Variants in TNIK observed in about 807,000 individuals in gnomAD.
The protein encoded by TNIK is TRAF2 and NCK-interacting protein kinase.
In TNIK, 49 loss-of-function variants were observed where a neutral mutation model predicts 191.3. The ratio of observed to expected loss-of-function variants is 0.26; its 90% confidence interval spans 0.20 to 0.32. TNIK has a LOEUF of 0.32. Among genes scored for constraint, TNIK ranks in the 10% least tolerant of loss-of-function variants. The pLI is 1.00. For missense variants in TNIK, 1,155 were observed against 1,702.3 expected, an observed-to-expected ratio of 0.68 and a Z score of 5.66; for synonymous variants, 594 against 600.9, an observed-to-expected ratio of 0.99 and a Z score of 0.17.
At chr3:171,282,345 T>G (rs1179397742) in intron 2 of TNIK, among the ~76,000 whole-genome samples, 2 of 142,798 alleles carry the variant, frequency 1.4e-5, no homozygotes, top group East Asian at 3.9e-4. Context: ...TTTTTTGTTT[T>G]TTTTTTTTTT....
At chr3:171,072,068 G>A (rs569626708) in intron 28 of TNIK, among the ~76,000 whole-genome samples, 7 of 152,210 alleles carry the variant, frequency 4.6e-5, no homozygotes, top group South Asian at 2.1e-4. Context: ...TCTTACCTAC[G>A]TGTGTGTCTC....
intron 2 of TNIK, among the ~76,000 whole-genome samples, chr3:171,309,562 A>T (rs1026169137): frequency 6.6e-6 from 1 of 151,258 alleles, no homozygotes; most frequent in Non-Finnish European, 1.5e-5. Context: ...ATCAAAGTTT[A>T]AAAAAATGCT....
chr3:171,305,882 T>C (rs1054723044), intron 2 of TNIK, among the ~76,000 whole-genome samples: 2 of 152,140 alleles, frequency 1.3e-5, no homozygotes, highest in Admixed American at 1.3e-4. Flanking sequence ...TCCAAATGAA[T>C]ATAAATTATT....
intron 2 of TNIK, among the ~76,000 whole-genome samples, chr3:171,284,030 C>T (rs1750754443): frequency 6.6e-6 from 1 of 152,122 alleles, no homozygotes; most frequent in Non-Finnish European, 1.5e-5. Context: ...TGCCCGTTAT[C>T]CCCTGAGAAA....
At chr3:171,202,241 A>G (rs1358261242) in intron 4 of TNIK, among the ~76,000 whole-genome samples, 1 of 152,032 alleles carries the variant, frequency 6.6e-6, no homozygotes, top group African/African-American at 2.4e-5. Flanking sequence ...GTAAGTCACT[A>G]CATGTCAATT....
At chr3:171,345,900 C>T (rs1241383936) in intron 2 of TNIK, among the ~76,000 whole-genome samples, 1 of 151,786 alleles carries the variant, frequency 6.6e-6, no homozygotes, top group Non-Finnish European at 1.5e-5. Flanking sequence ...AAGGCACAGT[C>T]TAGTGAAAAG....
chr3:171,184,367 AT>A (rs1229588439), intron 7 of TNIK, among the ~76,000 whole-genome samples: 1 of 152,168 alleles, frequency 6.6e-6, no homozygotes, highest in Non-Finnish European at 1.5e-5. Flanking sequence ...TTTTTTGTCC[AT>A]TTTCACTTGT....
intron 9 of TNIK, among the ~76,000 whole-genome samples, chr3:171,174,559 C>T (rs11926132): frequency 0.013 from 1,968 of 152,304 alleles, 40 homozygotes; most frequent in African/African-American, 0.045. Context: ...AAACATCCAA[C>T]ATCTGGCTTA....
intron 1 of TNIK, among the ~76,000 whole-genome samples, chr3:171,379,016 C>T (rs1292698656): frequency 6.6e-6 from 1 of 152,104 alleles, no homozygotes; most frequent in African/African-American, 2.4e-5. Context: ...GATGGGCAGG[C>T]CCTGCTGTTC....
At chr3:171,260,868 A>T (rs1489602967) in intron 2 of TNIK, among the ~76,000 whole-genome samples, 2 of 152,202 alleles carry the variant, frequency 1.3e-5, no homozygotes, top group African/African-American at 4.8e-5. Flanking sequence ...AGTTGTTTAA[A>T]GCTATTCCTA....
chr3:171,362,842 T>C (rs1715170316), intron 2 of TNIK, among the ~76,000 whole-genome samples: 1 of 152,132 alleles, frequency 6.6e-6, no homozygotes, highest in Admixed American at 6.5e-5. Context: ...TTATACTCTT[T>C]CCACTTATAA....
intron 2 of TNIK, among the ~76,000 whole-genome samples, chr3:171,315,326 A>T (rs1754484898): frequency 6.6e-6 from 1 of 152,158 alleles, no homozygotes; most frequent in Non-Finnish European, 1.5e-5. Context: ...TCCTGTTAAT[A>T]GACAACTGAA....
chr3:171,117,181 T>A (rs957715622), intron 18 of TNIK, among the ~76,000 whole-genome samples: 1 of 152,214 alleles, frequency 6.6e-6, no homozygotes, highest in African/African-American at 2.4e-5. Context: ...AGAGGAGCTG[T>A]TAACAGACTC....
chr3:171,245,701 T>C (rs1745510713), intron 2 of TNIK, among the ~76,000 whole-genome samples: 1 of 152,244 alleles, frequency 6.6e-6, no homozygotes, highest in African/African-American at 2.4e-5. Flanking sequence ...TTCTTTTCTA[T>C]AGATCATCTC....
At chr3:171,171,004 A>G (rs1735210011) in intron 9 of TNIK, among the ~76,000 whole-genome samples, 6 of 152,102 alleles carry the variant, frequency 3.9e-5, no homozygotes. Flanking sequence ...GTGAGCTATG[A>G]TTGCACCACT....
chr3:171,408,556 A>G (rs1195795536), intron 1 of TNIK, among the ~76,000 whole-genome samples: 1 of 152,234 alleles, frequency 6.6e-6, no homozygotes, highest in Non-Finnish European at 1.5e-5. Context: ...GATCCAATTC[A>G]GCATCTGGCA....
intron 2 of TNIK, among the ~76,000 whole-genome samples, chr3:171,293,040 C>T (rs1292135821): frequency 6.6e-6 from 1 of 152,124 alleles, no homozygotes; most frequent in Non-Finnish European, 1.5e-5. Context: ...CACTGCTTTA[C>T]AAAACCTGTT....
chr3:171,279,404 T>C (rs964778172), intron 2 of TNIK, among the ~76,000 whole-genome samples: 1 of 152,224 alleles, frequency 6.6e-6, no homozygotes, highest in South Asian at 2.1e-4. Context: ...TCAAATTGTT[T>C]TTAGACACAG....
At chr3:171,346,814 G>A in intron 2 of TNIK, 1 of 183,726 alleles carries the variant, frequency 5.4e-6, no homozygotes, top group Non-Finnish European at 1.1e-5. Flanking sequence ...GGATCCCAGA[G>A]AGTGAGAAAG....
Sources: gnomAD v4.1 joint callset for allele counts (sites outside exome capture counted in the v4.1 genomes callset) on GRCh38, gnomAD v4.1.1 for gene constraint, MANE v1.5 for transcripts, NCBI Gene and HGNC (gene_info 2026-07-23, HGNC 2026-07-21) for gene names.